LRRC28: variants seen among roughly 807,000 people sequenced by gnomAD.
LRRC28 encodes leucine-rich repeat-containing protein 28.
LRRC28 carries 39 observed loss-of-function variants against 45.7 expected under a neutral mutation model. That is an observed-to-expected ratio of 0.85 (90% confidence interval 0.66 to 1.12). The LOEUF is 1.12. Among genes scored for constraint, LRRC28 ranks in the 50% most tolerant of loss-of-function variants. LRRC28 has a pLI of 0.00. For synonymous variants in LRRC28, 206 were observed against 178.8 expected (o/e 1.15, Z -1.22); for missense variants, 435 against 438.5 (o/e 0.99, Z 0.07).
Position 99,258,260 on chromosome 15 carries a change from A to T in LRRC28, c.168+2135A>T, listed in dbSNP as rs565313312. The stretch of plus-strand genomic sequence containing the variant: ...AGCAGATAAGGTTATTGTCACTTCA[A>T]AACACAACAACGATACCCAGTACAT... On this transcript the variant is annotated intron_variant, in intron 2 of 9. Transcript: ENST00000301981. The T allele has an allele frequency of 1.1e-5, 17 of 1,577,274 alleles. No individual in the cohort carries two copies. In the East Asian group the frequency reaches 3.1e-4, roughly 29 times the overall value.
chr15:99,255,963 G>A lies in LRRC28; in HGVS notation c.6G>A (p.Ala2=), dbSNP rs748961153. The change falls in exon 2 of 10, where the codon GCG becomes GCA. Residue 2 remains alanine, a synonymous_variant. Coordinates refer to ENST00000301981, the MANE Select transcript of LRRC28 (RefSeq NM_144598.5). ...CTGATGGGATATATTCAGTCATGGC[G>A]TCCGAACTTTGTAAGACGATCTCTG... M[A]SELCKTISVA... The A allele has an allele frequency of 2.6e-5, 42 of 1,611,934 alleles. No individual in the cohort carries two copies. Among genetic ancestry groups the A allele is most frequent in the African/African-American group, 2.0e-4 (15 of 74,826 alleles).
intron 5 of LRRC28, among the ~76,000 whole-genome samples, chr15:99,307,005 C>G (rs2136629): frequency 6.6e-6 from 1 of 152,250 alleles, no homozygotes. Context: ...CAAGCCATTA[C>G]GTGTTTCTTC....
intron 2 of LRRC28, among the ~76,000 whole-genome samples, chr15:99,261,394 A>G (rs1342733265): frequency 6.6e-6 from 1 of 152,150 alleles, no homozygotes; most frequent in Non-Finnish European, 1.5e-5. Flanking sequence ...TGGCTTATAA[A>G]CAAATTTATT....
At chr15:99,274,017 A>G (rs1489893105) in intron 2 of LRRC28, among the ~76,000 whole-genome samples, 1 of 152,224 alleles carries the variant, frequency 6.6e-6, no homozygotes, top group Non-Finnish European at 1.5e-5. Context: ...AAAACAAAAC[A>G]TTCCAGGGAT....
At chr15:99,298,703 A>C (rs987366647) in intron 5 of LRRC28, among the ~76,000 whole-genome samples, 2 of 152,042 alleles carry the variant, frequency 1.3e-5, no homozygotes, top group African/African-American at 4.8e-5. Flanking sequence ...CAACCTATTA[A>C]TAAGACTTCA....
At chr15:99,379,571 G>A (rs1175523001) in intron 9 of LRRC28, among the ~76,000 whole-genome samples, 1 of 151,932 alleles carries the variant, frequency 6.6e-6, no homozygotes, top group East Asian at 1.9e-4. Context: ...GTTATTTCTT[G>A]GCTTCTGCTA....
At chr15:99,315,765 C>T (rs1014392992) in intron 5 of LRRC28, among the ~76,000 whole-genome samples, 5 of 152,104 alleles carry the variant, frequency 3.3e-5, no homozygotes, top group African/African-American at 1.2e-4. Context: ...GGTAAGGTAT[C>T]AGAAATACCA....
intron 5 of LRRC28, among the ~76,000 whole-genome samples, chr15:99,300,937 A>G (rs1954946149): frequency 1.3e-5 from 2 of 152,220 alleles, no homozygotes; most frequent in Non-Finnish European, 2.9e-5. Context: ...TGATATCTCT[A>G]GGAGACTGAA....
At chr15:99,281,477 T>C (rs148284030) in intron 3 of LRRC28, among the ~76,000 whole-genome samples, 1 of 151,162 alleles carries the variant, frequency 6.6e-6, no homozygotes, top group African/African-American at 2.5e-5. Flanking sequence ...ACAGTTCTTA[T>C]AATGTTCATA....
chr15:99,330,048 C>T (rs1409625248), intron 5 of LRRC28, among the ~76,000 whole-genome samples: 1 of 151,642 alleles, frequency 6.6e-6, no homozygotes, highest in Non-Finnish European at 1.5e-5. Context: ...TAAAATAAAC[C>T]CTCTTTATAA....
intron 9 of LRRC28, among the ~76,000 whole-genome samples, chr15:99,376,359 C>A (rs1267759410): frequency 6.6e-6 from 1 of 151,970 alleles, no homozygotes; most frequent in African/African-American, 2.4e-5. Context: ...TATGATTTTT[C>A]CTTGCTTTAA....
intron 6 of LRRC28, among the ~76,000 whole-genome samples, chr15:99,334,454 A>G (rs1291898697): frequency 6.6e-6 from 1 of 151,166 alleles, no homozygotes. Context: ...GTATTGAACA[A>G]TATGAAAAGA....
At position 99,361,525 on chromosome 15, in the gene LRRC28, C is replaced by T; in HGVS notation, c.871+14C>T. On this transcript the variant is annotated intron_variant, in intron 8 of 9. Coordinates refer to ENST00000301981, the MANE Select transcript of LRRC28 (RefSeq NM_144598.5). ...GCTTGCTGAAAGGTACGTGGGACTT[C>T]TGGTTTTCTTATTTTTCTCTCTCAT... 3.2e-6 allele frequency: 5 copies of T among 1,562,598 alleles called. No homozygotes were observed. Among genetic ancestry groups the T allele is most frequent in the Non-Finnish European group, 4.3e-6 (5 of 1,156,292 alleles).
chr15:99,358,146 TTTC>T lies in LRRC28; in HGVS notation c.696-3187_696-3185del, dbSNP rs1235984267. On this transcript the variant is annotated intron_variant, in intron 7 of 9. Transcript: ENST00000301981. The stretch of plus-strand genomic sequence containing the variant: ...AGATAGCATACAAAGATTAGCAGCT[TTTC>T]TTTATGTCTTCGTAAATTAGAAATC... Among the ~76,000 whole-genome samples the T allele has an allele frequency of 3.9e-5, 6 of 152,322 alleles. No individual in the cohort carries two copies. In the East Asian group the frequency reaches 1.2e-3, roughly 29 times the overall value.
rs1956104653 is a variant in LRRC28, at chr15:99,329,894, T to C, written c.386-4029T>C. Reference sequence around the variant, plus strand: ...GCTTTTTGACATATTTCCTTATGAATATGGTTTTTCTGCTTGTAACTATTA... The same window carrying C: ...GCTTTTTGACATATTTCCTTATGAACATGGTTTTTCTGCTTGTAACTATTA... On this transcript the variant is annotated intron_variant, in intron 5 of 9. Coordinates refer to ENST00000301981, the MANE Select transcript of LRRC28 (RefSeq NM_144598.5). Among the ~76,000 whole-genome samples the C allele has an allele frequency of 1.3e-5, 2 of 152,188 alleles. 1 individual carries two copies. Among genetic ancestry groups the C allele is most frequent in the South Asian group, 4.1e-4 (2 of 4,830 alleles).
intron 5 of LRRC28, among the ~76,000 whole-genome samples, chr15:99,314,620 A>T (rs554497580): frequency 3.9e-5 from 6 of 152,240 alleles, no homozygotes; most frequent in South Asian, 4.1e-4. Context: ...TGACAAAAAC[A>T]TTGGGAATAT....
chr15:99,256,839 T>G (rs1022853886), intron 2 of LRRC28, among the ~76,000 whole-genome samples: 6 of 152,250 alleles, frequency 3.9e-5, no homozygotes, highest in African/African-American at 1.4e-4. Context: ...ATTCCTATTA[T>G]TTATTGTAAA....
At chr15:99,259,910 G>C (rs1167425639) in intron 2 of LRRC28, 1 of 715,014 alleles carries the variant, frequency 1.4e-6, no homozygotes, top group Non-Finnish European at 2.6e-6. Context: ...AGAACCTGAG[G>C]AGACAGCAGA....
intron 5 of LRRC28, among the ~76,000 whole-genome samples, chr15:99,307,313 G>A (rs1336863460): frequency 6.6e-6 from 1 of 152,200 alleles, no homozygotes; most frequent in Non-Finnish European, 1.5e-5. Context: ...AACTGAAGTT[G>A]TCAAATCCCA....
Sources: gnomAD v4.1 joint callset for allele counts (sites outside exome capture counted in the v4.1 genomes callset) on GRCh38, gnomAD v4.1.1 for gene constraint, MANE v1.5 for transcripts, NCBI Gene and HGNC (gene_info 2026-07-23, HGNC 2026-07-21) for gene names.